Variants in SAMTOR observed in about 807,000 individuals in gnomAD.
SAMTOR encodes UPF0532 protein C7orf60.
chr7:112,839,632 A>C, the SAMTOR span, among the ~76,000 whole-genome samples: 14 of 151,818 alleles, frequency 9.2e-5, no homozygotes, highest in African/African-American at 3.4e-4. Flanking sequence ...TTCTGTATTA[A>C]TGCAGTCCAA....
chr7:112,915,164 G>T, the SAMTOR span: 1 of 635,028 alleles, frequency 1.6e-6, no homozygotes, highest in South Asian at 2.6e-5. Flanking sequence ...ATTGAACCCG[G>T]GAGGTGGAGG....
At chr7:112,888,718 A>G in the SAMTOR span, among the ~76,000 whole-genome samples, 1 of 152,164 alleles carries the variant, frequency 6.6e-6, no homozygotes, top group Non-Finnish European at 1.5e-5. Flanking sequence ...GATAAGCCTT[A>G]GAAAAAGATA....
At chr7:112,846,809 G>A in the SAMTOR span, among the ~76,000 whole-genome samples, 1 of 152,056 alleles carries the variant, frequency 6.6e-6, no homozygotes, top group Admixed American at 6.6e-5. Flanking sequence ...ATAAGCCACT[G>A]TATGCTTTTT....
chr7:112,922,202 T>C, the SAMTOR span, among the ~76,000 whole-genome samples: 1 of 152,192 alleles, frequency 6.6e-6, no homozygotes, highest in African/African-American at 2.4e-5. Flanking sequence ...GAGTGATCCG[T>C]CAGCCTCGGC....
At chr7:112,907,831 A>G in the SAMTOR span, among the ~76,000 whole-genome samples, 1 of 127,528 alleles carries the variant, frequency 7.8e-6, no homozygotes, top group African/African-American at 2.9e-5. Flanking sequence ...AGAAATGGGT[A>G]TTCTTACTTA....
At chr7:112,924,533 C>T in the SAMTOR span, among the ~76,000 whole-genome samples, 1 of 152,120 alleles carries the variant, frequency 6.6e-6, no homozygotes, top group Non-Finnish European at 1.5e-5. Flanking sequence ...ATATATCAGT[C>T]TGAGTCTTGG....
the SAMTOR span, among the ~76,000 whole-genome samples, chr7:112,889,052 T>C: frequency 3.9e-5 from 6 of 152,200 alleles, no homozygotes; most frequent in Non-Finnish European, 8.8e-5. Flanking sequence ...TTATGCAACA[T>C]AGCCTCTTTT....
the SAMTOR span, among the ~76,000 whole-genome samples, chr7:112,826,748 T>A: frequency 6.6e-6 from 1 of 152,166 alleles, no homozygotes; most frequent in Middle Eastern, 3.2e-3. Flanking sequence ...GTGCTATAAT[T>A]TTCCCCTAAG....
chr7:112,822,504 T>G, the SAMTOR span: 4 of 825,162 alleles, frequency 4.8e-6, no homozygotes, highest in Non-Finnish European at 5.5e-6. Flanking sequence ...CCTTTTAAAT[T>G]ATTAAACTTG....
the SAMTOR span, among the ~76,000 whole-genome samples, chr7:112,898,269 G>A: frequency 1.3e-5 from 2 of 152,230 alleles, no homozygotes; most frequent in East Asian, 3.9e-4. Context: ...GAGCCCCAGT[G>A]CTGTGCTGGT....
chr7:112,939,760 G>C, the SAMTOR span: 1 of 1,572,120 alleles, frequency 6.4e-7, no homozygotes, highest in Non-Finnish European at 8.6e-7. Flanking sequence ...TATCGCAGCC[G>C]CCGCCGCCGC....
At chr7:112,852,843 T>C in the SAMTOR span, among the ~76,000 whole-genome samples, 1 of 152,032 alleles carries the variant, frequency 6.6e-6, no homozygotes, top group African/African-American at 2.4e-5. Flanking sequence ...TAAAAACTGG[T>C]GTAATCCTGG....
At chr7:112,891,327 A>G in the SAMTOR span, among the ~76,000 whole-genome samples, 1 of 152,334 alleles carries the variant, frequency 6.6e-6, no homozygotes, top group African/African-American at 2.4e-5. Context: ...GTAATCAAAG[A>G]TATTTTGATT....
chr7:112,888,339 T>C, the SAMTOR span, among the ~76,000 whole-genome samples: 1 of 152,180 alleles, frequency 6.6e-6, no homozygotes, highest in African/African-American at 2.4e-5. Flanking sequence ...ATGTGTTTTA[T>C]GGCCAAATAT....
the SAMTOR span, among the ~76,000 whole-genome samples, chr7:112,858,783 A>G: frequency 1.3e-5 from 2 of 152,190 alleles, no homozygotes; most frequent in Non-Finnish European, 2.9e-5. Context: ...CAAGTGTGGG[A>G]AGCCAGTATC....
chr7:112,894,366 TGATCACA>T, the SAMTOR span, among the ~76,000 whole-genome samples: 3 of 152,180 alleles, frequency 2.0e-5, no homozygotes, highest in Non-Finnish European at 2.9e-5. Context: ...CAAAGATCAC[TGATCACA>T]GATCACCAAA....
At chr7:112,865,288 CTTTT>C in the SAMTOR span, among the ~76,000 whole-genome samples, 11 of 150,962 alleles carry the variant, frequency 7.3e-5, no homozygotes, top group African/African-American at 2.7e-4. Flanking sequence ...CCATCTCTCT[CTTTT>C]TTTTGAGATA....
the SAMTOR span, among the ~76,000 whole-genome samples, chr7:112,903,888 G>A: frequency 8.9e-4 from 135 of 152,076 alleles, 1 homozygote; most frequent in Admixed American, 7.4e-3. Context: ...AAATCTACTG[G>A]AAGATAAACT....
At chr7:112,845,482 A>C in the SAMTOR span, among the ~76,000 whole-genome samples, 4 of 152,188 alleles carry the variant, frequency 2.6e-5, no homozygotes, top group African/African-American at 9.7e-5. Context: ...CAAGTATATT[A>C]AAAAAAGCTC....
Sources: gnomAD v4.1 joint callset for allele counts (sites outside exome capture counted in the v4.1 genomes callset) on GRCh38, gnomAD v4.1.1 for gene constraint, MANE v1.5 for transcripts, NCBI Gene and HGNC (gene_info 2026-07-23, HGNC 2026-07-21) for gene names.